The following TACC2 variants were observed in gnomAD, a reference collection of about 807,000 sequenced individuals.
TACC2 encodes transforming acidic coiled-coil-containing protein 2.
Under a neutral mutation model 227.3 loss-of-function variants are expected in TACC2, and 137 were observed. The ratio of observed to expected loss-of-function variants is 0.60; its 90% CI spans 0.52 to 0.69. The LOEUF (loss-of-function observed/expected upper bound fraction) is 0.69, where lower values mean the gene tolerates loss of function less well. Among genes scored for constraint, TACC2 ranks in the 30% least tolerant of loss-of-function variants. The pLI is 0.00. For synonymous variants in TACC2, 1,523 were observed against 1,487.5 expected (o/e 1.02, Z -0.55); for missense variants, 3,470 against 3,694.4 (o/e 0.94, Z 1.57).
chr10:122,060,952 C>T (rs1345231010), intron 3 of TACC2, among the ~76,000 whole-genome samples: 1 of 136,274 alleles, frequency 7.3e-6, no homozygotes, highest in Non-Finnish European at 1.5e-5. Flanking sequence ...TTGCAGTGAG[C>T]GAAGATCATG....
chr10:122,030,222 C>T (rs1384828241), intron 2 of TACC2, among the ~76,000 whole-genome samples: 4 of 152,110 alleles, frequency 2.6e-5, no homozygotes, highest in Non-Finnish European at 4.4e-5. Flanking sequence ...GAATTTCTAC[C>T]TGAATATAGG....
intron 18 of TACC2, among the ~76,000 whole-genome samples, chr10:122,239,338 G>A (rs1179961120): frequency 6.6e-6 from 1 of 152,188 alleles, no homozygotes; most frequent in African/African-American, 2.4e-5. Flanking sequence ...AAAATCAATT[G>A]CATTCCTGGC....
chr10:122,254,026 C>T lies in TACC2; in HGVS notation c.8817C>T (p.Asp2939=), dbSNP rs779260986. ...TAGAAGAACTCACCAAGATTTGTGA[C>T]GAACTGATTGCCAAAATGGGGAAAA... The part of the protein sequence containing the change: ...KEIEELTKIC[D]ELIAKMGKS The change falls in exon 23 of 23, where the codon GAC becomes GAT. Residue 2939 remains aspartate (D), a synonymous_variant. Coordinates refer to ENST00000369005, the MANE Select transcript of TACC2 (RefSeq NM_206862.4). 1.1e-5 allele frequency: 17 copies of T among 1,614,038 alleles called. No homozygotes were observed. The highest frequency in any genetic ancestry group is 6.7e-5 in the African/African-American group (5 of 74,920).
At position 122,209,390 on chromosome 10, in the gene TACC2, AG is replaced by A. The variant is rs916740176; in HGVS notation, c.5972-1005del. Among the ~76,000 whole-genome samples the A allele has an allele frequency of 6.6e-5, 10 of 152,204 alleles. No homozygotes were observed. The highest frequency in any genetic ancestry group is 2.4e-4 in the African/African-American group (10 of 41,454). On this transcript the variant is annotated intron_variant, in intron 8 of 22. Coordinates refer to ENST00000369005, the MANE Select transcript of TACC2 (RefSeq NM_206862.4). This position sits in a 1 kb window ranked among gnomAD's most constrained non-coding sequence, Gnocchi z 4.5. ...TGGAAGCCTCCGTATGCCTTCCTGC[AG>A]GATTTCTCTGTCTTCCTGTCCCACT...
At chr10:122,189,379 C>G (rs552094226) in intron 7 of TACC2, among the ~76,000 whole-genome samples, 7 of 152,234 alleles carry the variant, frequency 4.6e-5, no homozygotes, top group South Asian at 2.1e-4. Context: ...TGGAAGGTCT[C>G]CCTCTCTCTT....
At position 122,017,568 on chromosome 10, in the gene TACC2, G is replaced by GC. The variant is rs1402484155; in HGVS notation, c.-45-4368dup. Among the ~76,000 whole-genome samples the GC allele has an allele frequency of 2.0e-5, 3 of 152,232 alleles. No homozygotes were observed. The East Asian group carries it at 5.8e-4, about 29-fold the overall frequency. ...ATAGTGGCTTATGCCTGTAATCCCA[G>GC]CACTTTGGGAGGCTGAGGCAGGCGG... On this transcript the variant is annotated intron_variant, in intron 1 of 22. Transcript: ENST00000369005.
In TACC2 at chr10:122,227,827, C is replaced by T. The variant is rs1460347334; in HGVS notation, c.7725-10C>T. 7.5e-6 allele frequency: 12 copies of T among 1,602,378 alleles called. No individual in the cohort carries two copies. The highest frequency in any genetic ancestry group is 1.7e-5 in the Admixed American group (1 of 58,656). On this transcript the variant is annotated splice_polypyrimidine_tract_variant and intron_variant, in intron 13 of 22. Transcript: ENST00000369005. ...GAAGACTAAAGAAAGATGCCCTTTG[C>T]TTCCCCCAGGTCAAGTTTTGAAGAG... is the stretch of plus-strand genomic sequence containing the variant.
intron 3 of TACC2, among the ~76,000 whole-genome samples, chr10:122,064,216 A>C (rs1368421556): frequency 1.3e-5 from 2 of 151,370 alleles, no homozygotes; most frequent in African/African-American, 4.8e-5. Flanking sequence ...ATGTATATGC[A>C]CTTTAAAAAT....
intron 3 of TACC2, among the ~76,000 whole-genome samples, chr10:122,077,858 C>T (rs112971657): frequency 0.023 from 3,445 of 152,148 alleles, 62 homozygotes; most frequent in Middle Eastern, 0.037. Flanking sequence ...AATGGGGCCA[C>T]CCTTCTACCA....
At chr10:122,164,433 T>C (rs2093027487) in intron 7 of TACC2, among the ~76,000 whole-genome samples, 1 of 152,208 alleles carries the variant, frequency 6.6e-6, no homozygotes, top group Non-Finnish European at 1.5e-5. Flanking sequence ...CGTGGTGCGC[T>C]CTGGTGGACG....
At chr10:122,067,815 G>A (rs1350214092) in intron 3 of TACC2, among the ~76,000 whole-genome samples, 1 of 152,004 alleles carries the variant, frequency 6.6e-6, no homozygotes, top group Non-Finnish European at 1.5e-5. Flanking sequence ...ACCGGCCCTC[G>A]CTGTTTCTTA....
At chr10:122,034,310 T>C (rs780507922) in intron 2 of TACC2, among the ~76,000 whole-genome samples, 1 of 152,216 alleles carries the variant, frequency 6.6e-6, no homozygotes, top group Non-Finnish European at 1.5e-5. Context: ...AGCCTTTTCA[T>C]ACATGAGTTC....
At chr10:122,018,023 A>C (rs79342732) in intron 1 of TACC2, among the ~76,000 whole-genome samples, 1 of 149,460 alleles carries the variant, frequency 6.7e-6, no homozygotes, top group East Asian at 2.0e-4. Flanking sequence ...AAAAAAAAAA[A>C]CAGGATACAT....
In TACC2 at chr10:121,999,600, T is replaced by C. The variant is rs183465268; in HGVS notation, c.-46+10112T>C. On this transcript the variant is annotated intron_variant, in intron 1 of 22. Coordinates refer to ENST00000369005, the MANE Select transcript of TACC2 (RefSeq NM_206862.4). ...CCTATTTGGCATTTGTTGGCGTGCCTCTCTTTGCCCAACACCAGCCTGTTT... is the reference window on the plus strand; with the variant it reads ...CCTATTTGGCATTTGTTGGCGTGCCCCTCTTTGCCCAACACCAGCCTGTTT... 8.0e-3 allele frequency among the ~76,000 whole-genome samples: 1,222 copies of C among 152,342 alleles called. 17 individuals carry two copies. The highest frequency in any genetic ancestry group is 0.011 in the Non-Finnish European group (732 of 68,030).
intron 7 of TACC2, among the ~76,000 whole-genome samples, chr10:122,162,019 G>A (rs921898781): frequency 3.3e-5 from 5 of 152,182 alleles, no homozygotes; most frequent in African/African-American, 4.8e-5. Context: ...AGTGAGTGAC[G>A]GCTTCCCCGG....
At chr10:122,167,269 A>G (rs1425550252) in intron 7 of TACC2, among the ~76,000 whole-genome samples, 1 of 152,224 alleles carries the variant, frequency 6.6e-6, no homozygotes, top group Non-Finnish European at 1.5e-5. Flanking sequence ...AGACCTGTGG[A>G]TCGAAGTAGA....
In TACC2 at chr10:122,083,719, C is replaced by G. The variant is rs766491271; in HGVS notation, c.1219C>G (p.Pro407Ala). 1.2e-6 allele frequency: 2 copies of G among 1,613,888 alleles called. No individual in the cohort carries two copies. Among genetic ancestry groups the G allele is most frequent in the South Asian group, 2.2e-5 (2 of 91,084 alleles). ...PEGGLPVSPE[P>A]SLLTPTEEAH... ...AGGGGGTTTGCCTGTGAGCCCTGAA[C>G]CTTCCCTGCTCACTCCGACTGAGGA... Residue 407 changes from proline to alanine, a missense_variant, in exon 4 of 23, where the codon CCT (proline) becomes GCT (alanine). By Grantham distance (27) the Pro-to-Ala change is conservative (BLOSUM62 -1). Around this residue, in one of 10 missense-constraint regions of TACC2, gnomAD observed 1,924 missense variants for 1,978.3 expected, o/e 0.97. Coordinates refer to ENST00000369005, the MANE Select transcript of TACC2 (RefSeq NM_206862.4).
chr10:122,099,193 A>C (rs1160652742), intron 5 of TACC2, among the ~76,000 whole-genome samples: 1 of 152,224 alleles, frequency 6.6e-6, no homozygotes, highest in Non-Finnish European at 1.5e-5. Context: ...ACGCCATAAC[A>C]TAATAGCTGG....
At chr10:122,228,087 C>T in intron 14 of TACC2, 79 bp downstream of exon 14, 3 of 1,470,576 alleles carry the variant, frequency 2.0e-6, no homozygotes, top group Non-Finnish European at 2.8e-6. Context: ...AAGGCCAGGC[C>T]TTCAGAGCAA....
Sources: gnomAD v4.1 joint callset for allele counts (sites outside exome capture counted in the v4.1 genomes callset) on GRCh38, gnomAD v4.1.1 for gene constraint, gnomAD v4.1.1 regional missense constraint, Gnocchi (gnomAD v3.1) non-coding constraint, MANE v1.5 for transcripts, NCBI Gene and HGNC (gene_info 2026-07-23, HGNC 2026-07-21) for gene names.